TAF15: variants seen among roughly 807,000 people sequenced by gnomAD.
TAF15 encodes the protein TATA-box binding protein associated factor 15.
In TAF15, 37 loss-of-function variants were observed where a neutral mutation model predicts 102.5. The ratio of observed to expected loss-of-function variants is 0.36; its 90% confidence interval spans 0.28 to 0.47. TAF15 has a LOEUF of 0.47. Among genes scored for constraint, TAF15 ranks in the 20% least tolerant of loss-of-function variants. The pLI, the probability that TAF15 is intolerant of heterozygous loss-of-function variation, is 0.99. For synonymous variants in TAF15, 273 were observed against 259.2 expected (o/e 1.05, Z -0.51); for missense variants, 652 against 760.7 (o/e 0.86, Z 1.68).
chr17:35,838,076 G>T (rs369781844), intron 10 of TAF15, among the ~76,000 whole-genome samples: 6 of 152,026 alleles, frequency 3.9e-5, no homozygotes, highest in African/African-American at 1.4e-4. Flanking sequence ...CCAGCTACTC[G>T]GGAGGCTGAG....
intron 7 of TAF15, among the ~76,000 whole-genome samples, chr17:35,826,444 A>G (rs888721017): frequency 6.6e-6 from 1 of 152,134 alleles, no homozygotes; most frequent in Non-Finnish European, 1.5e-5. Flanking sequence ...TATTGTAACT[A>G]TTCATCTCTG....
rs939246294 is a variant in TAF15 at position 35,844,854 on chromosome 17, C to T, written c.1555C>T (p.Arg519Ter). 1 of 1,597,328 alleles carries T rather than the reference C, an allele frequency of 6.3e-7. No homozygotes were observed. The part of the protein sequence containing the change: ...GGDRGGYGGD[R>*]GGYGGDRSRG... ...AGATCGAGGAGGTTATGGAGGAGAT[C>T]GAGGAGGCTATGGAGGAGACAGAAG... Residue 519 changes from arginine to a stop codon, truncating the protein, a stop_gained, in exon 15 of 16, where the codon CGA (arginine) becomes TGA (stop). Coordinates refer to ENST00000605844, the MANE Select transcript of TAF15 (RefSeq NM_139215.3). LOFTEE classifies it high-confidence loss of function.
intron 8 of TAF15, 63 bp from the exon 9 acceptor site, chr17:35,834,503 T>A: frequency 2.0e-6 from 3 of 1,533,326 alleles, no homozygotes; most frequent in Non-Finnish European, 2.7e-6. Flanking sequence ...ATTACTATTT[T>A]TTTTGTTAAT....
rs770198221 is a variant in TAF15, at chr17:35,809,524, G to A, written c.-46G>A. On this transcript the variant is annotated 5_prime_UTR_variant, in exon 1 of 16. Coordinates refer to ENST00000605844, the MANE Select transcript of TAF15 (RefSeq NM_139215.3). ...GCCGCGCCGCCTGGCTTTCGTATTC[G>A]TTGTTCTCGGCGGGCTGTGGGGCCT... 6.2e-7 allele frequency: 1 copy of A among 1,612,424 alleles called. No homozygotes were observed.
chr17:35,834,470 A>G (rs2087445975), intron 8 of TAF15, 96 bp from the exon 9 acceptor site: 3 of 1,127,170 alleles, frequency 2.7e-6, no homozygotes, highest in East Asian at 2.4e-5. Context: ...TTTTGGAAGT[A>G]TTGACTTTTC....
chr17:35,824,241 C>CTTTT (rs35907284), intron 7 of TAF15, 43 bp downstream of exon 7: 17 of 1,457,484 alleles, frequency 1.2e-5, no homozygotes, highest in Admixed American at 4.2e-5. Flanking sequence ...TCTTCTTCCT[C>CTTTT]TTTTTTTTTT....
At chr17:35,834,894 C>T (rs1002057136) in intron 9 of TAF15, among the ~76,000 whole-genome samples, 4 of 151,790 alleles carry the variant, frequency 2.6e-5, no homozygotes, top group African/African-American at 4.8e-5. Flanking sequence ...TACAGGTGCG[C>T]GCCACCATGC....
At position 35,809,498 on chromosome 17, in the gene TAF15, C is replaced by G; in HGVS notation, c.-72C>G. On this transcript the variant is annotated 5_prime_UTR_variant, in exon 1 of 16. Coordinates refer to ENST00000605844, the MANE Select transcript of TAF15 (RefSeq NM_139215.3). The stretch of plus-strand genomic sequence containing the variant: ...GCGCCGCCCTCAGTACAGCTCCGGC[C>G]GCCGCGCCGCCTGGCTTTCGTATTC... 1.9e-6 allele frequency: 3 copies of G among 1,607,056 alleles called. No homozygotes were observed. The highest frequency in any genetic ancestry group is 2.5e-6 in the Non-Finnish European group (3 of 1,177,830).
chr17:35,844,839 G>C lies in TAF15; in HGVS notation c.1540G>C (p.Gly514Arg). 1 of 1,602,442 alleles carries C rather than the reference G, an allele frequency of 6.2e-7. No homozygotes were observed. The highest frequency in any genetic ancestry group is 1.3e-5 in the African/African-American group (1 of 74,674). The stretch of plus-strand genomic sequence containing the variant: ...AGGAGGTTACGGAGGAGATCGAGGA[G>C]GTTATGGAGGAGATCGAGGAGGCTA... Reference protein sequence around the residue: ...DRGGYGGDRGGYGGDRGGYGG... With the variant: ...DRGGYGGDRGRYGGDRGGYGG... Residue 514 changes from glycine (G) to arginine (R), a missense_variant, in exon 15 of 16, where the codon GGT becomes CGT. By Grantham distance (125) the Gly-to-Arg change is moderately radical. Around this residue, in one of 3 missense-constraint regions of TAF15, gnomAD observed 368 missense variants for 367.5 expected, o/e 1.00. Transcript: ENST00000605844.
At chr17:35,818,382 C>T (rs543070195) in intron 2 of TAF15, 2 of 152,818 alleles carry the variant, frequency 1.3e-5, no homozygotes, top group African/African-American at 2.4e-5. Context: ...GTGTGAGCCA[C>T]TGCGCCTGGC....
At chr17:35,816,492 GAAGA>G (rs1030307946) in intron 1 of TAF15, among the ~76,000 whole-genome samples, 50 of 152,254 alleles carry the variant, frequency 3.3e-4, no homozygotes, top group African/African-American at 1.1e-3. Context: ...CTCTTAAAAA[GAAGA>G]AAGAAAAATT....
chr17:35,820,529 C>CT (rs879823976), intron 5 of TAF15, 92 bp downstream of exon 5: 32,653 of 912,880 alleles, frequency 0.036, no homozygotes, highest in Non-Finnish European at 0.039. Context: ...TAGCTTTAAA[C>CT]TTTTTTTTTT....
chr17:35,846,592 A>G (rs945952875), intron 15 of TAF15, among the ~76,000 whole-genome samples: 1 of 152,158 alleles, frequency 6.6e-6, no homozygotes, highest in African/African-American at 2.4e-5. Flanking sequence ...TGCTCATTCC[A>G]CTATGCCACT....
At chr17:35,826,836 G>T (rs2087336448) in intron 7 of TAF15, among the ~76,000 whole-genome samples, 1 of 150,932 alleles carries the variant, frequency 6.6e-6, no homozygotes. Flanking sequence ...AAGATTACAG[G>T]TGTGAGCCAC....
chr17:35,829,631 C>CA (rs746776421), intron 7 of TAF15, among the ~76,000 whole-genome samples: 1,080 of 32,610 alleles, frequency 0.033, 43 homozygotes, highest in African/African-American at 0.051. Flanking sequence ...GACTCCATCT[C>CA]AAAAAAAAAA....
Position 35,822,832 on chromosome 17 carries a change from A to G in TAF15, c.483A>G (p.Gln161=). ...GGGAAAACTACAGCCACCACACACA[A>G]GGTAAGATTTACTGACCTCTATTAT... ...SQRENYSHHT[Q]DDRRDVSRYG... The change falls in exon 6 of 16, where the codon CAA becomes CAG. Residue 161 remains glutamine, a splice_region_variant and synonymous_variant. Coordinates refer to ENST00000605844, the MANE Select transcript of TAF15 (RefSeq NM_139215.3). The G allele has an allele frequency of 6.2e-7, 1 of 1,614,152 alleles. No homozygotes were observed. The highest frequency in any genetic ancestry group is 1.1e-5 in the South Asian group (1 of 91,086).
intron 5 of TAF15, 149 bp downstream of exon 5, chr17:35,820,586 T>C (rs1213172858): frequency 3.0e-6 from 2 of 665,608 alleles, no homozygotes; most frequent in Admixed American, 2.8e-5. Context: ...CTGTATATTA[T>C]GGAGAATGTG....
At chr17:35,842,234 C>CTTTGCA in intron 11 of TAF15, 133 bp from the exon 12 acceptor site, 1 of 710,570 alleles carries the variant, frequency 1.4e-6, no homozygotes. Context: ...TATCTTGACT[C>CTTTGCA]TTTGCATTTG....
rs533058888 is a variant in TAF15, at chr17:35,834,740, C to CTTTTTTTTTT, written c.673+155_673+164dup. On this transcript the variant is annotated intron_variant, in intron 9 of 15. Transcript: ENST00000605844. ...CTGCCAGAACTGGGGAGCTTTATTT[C>CTTTTTTTTTT]TTTTTTTTTTTTTTTTTTTTTTGAG... 946 of 236,330 alleles carry CTTTTTTTTTT rather than the reference C, an allele frequency of 4.0e-3. 69 individuals are homozygous for CTTTTTTTTTT. The highest frequency in any genetic ancestry group is 0.011 in the East Asian group (90 of 8,062). 14.6% of individuals were successfully genotyped at this position (236,330 alleles called of 1,614,324 possible). A position where few individuals can be genotyped will look rare whatever the true frequency, so the allele number is the denominator to read the frequency against.
Sources: allele counts gnomAD v4.1 joint callset (sites outside exome capture counted in the v4.1 genomes callset), GRCh38; gene constraint gnomAD v4.1.1; regional missense constraint gnomAD v4.1.1; transcripts MANE v1.5; gene names NCBI Gene and HGNC (gene_info 2026-07-23, HGNC 2026-07-21).